Variants in TRAPPC9 observed in about 807,000 individuals in gnomAD.
TRAPPC9 encodes the protein trafficking protein particle complex subunit 9.
A neutral mutation model predicts 124.0 loss-of-function variants in TRAPPC9; 83 were observed. That is an observed-to-expected ratio of 0.67 (90% CI 0.56 to 0.80). The LOEUF is 0.80. Ranked by LOEUF, TRAPPC9 falls within the 30% of genes least tolerant of loss-of-function variation. TRAPPC9 has a pLI of 0.00. For missense variants in TRAPPC9, 1,302 were observed against 1,508.3 expected (o/e 0.86, Z 2.27); for synonymous variants, 638 against 617.5 (o/e 1.03, Z -0.49).
At chr8:140,439,280 T>C in intron 2 of TRAPPC9, 83 bp from the exon 3 acceptor site, 1 of 1,488,868 alleles carries the variant, frequency 6.7e-7, no homozygotes, top group Non-Finnish European at 9.3e-7. Context: ...TTCAATTCTC[T>C]CACTACTAAA....
intron 16 of TRAPPC9, among the ~76,000 whole-genome samples, chr8:140,226,601 A>AAG (rs1203807262): frequency 6.6e-6 from 1 of 151,562 alleles, no homozygotes; most frequent in East Asian, 1.9e-4. Flanking sequence ...CAAAAAAAAA[A>AAG]AAAAAGAAAG....
intron 11 of TRAPPC9, chr8:140,291,313 G>C (rs1036115506): frequency 1.7e-6 from 1 of 585,230 alleles, no homozygotes; most frequent in Non-Finnish European, 3.1e-6. Context: ...CACTGCCTTC[G>C]GCGGGCTGCA....
At chr8:139,833,599 G>A (rs1826128959) in intron 21 of TRAPPC9, among the ~76,000 whole-genome samples, 1 of 152,264 alleles carries the variant, frequency 6.6e-6, no homozygotes, top group South Asian at 2.1e-4. Flanking sequence ...CTAAACGCAG[G>A]CCTTGACGGG....
chr8:140,336,340 C>T (rs996024195), intron 9 of TRAPPC9, among the ~76,000 whole-genome samples: 17 of 152,202 alleles, frequency 1.1e-4, no homozygotes, highest in Non-Finnish European at 2.5e-4. Context: ...CCGAGATTCC[C>T]AACCCTGGCT....
intron 17 of TRAPPC9, among the ~76,000 whole-genome samples, chr8:140,032,289 G>A (rs1471049651): frequency 6.6e-6 from 1 of 152,180 alleles, no homozygotes; most frequent in Admixed American, 6.5e-5. Context: ...ACCACGTCCA[G>A]ACCACTGTCC....
intron 5 of TRAPPC9, among the ~76,000 whole-genome samples, chr8:140,407,598 C>T (rs1487625203): frequency 6.6e-6 from 1 of 152,084 alleles, no homozygotes; most frequent in Non-Finnish European, 1.5e-5. Context: ...CTAATTTGAT[C>T]AACTTAATTT....
chr8:139,849,450 T>C (rs1827307042), intron 21 of TRAPPC9, among the ~76,000 whole-genome samples: 1 of 152,242 alleles, frequency 6.6e-6, no homozygotes, highest in Non-Finnish European at 1.5e-5. Context: ...CTGCTCCCTC[T>C]CCTCTCCTTC....
chr8:139,863,089 T>C (rs906620340), intron 21 of TRAPPC9, among the ~76,000 whole-genome samples: 5 of 152,226 alleles, frequency 3.3e-5, no homozygotes, highest in African/African-American at 1.2e-4. Flanking sequence ...CAAAAGCTCA[T>C]TTGGCGTGTC....
chr8:139,941,484 G>A (rs1475342917), intron 19 of TRAPPC9, among the ~76,000 whole-genome samples: 5 of 152,194 alleles, frequency 3.3e-5, no homozygotes, highest in Admixed American at 2.6e-4. Context: ...GGACACAGAG[G>A]GCCCAGTATG....
chr8:140,436,100 C>G (rs2070803258), intron 3 of TRAPPC9, among the ~76,000 whole-genome samples: 1 of 152,234 alleles, frequency 6.6e-6, no homozygotes, highest in Non-Finnish European at 1.5e-5. Context: ...AATCCCAGCA[C>G]TTTGGGAAGC....
intron 19 of TRAPPC9, among the ~76,000 whole-genome samples, chr8:139,919,406 T>C (rs1832364962): frequency 6.6e-6 from 1 of 152,206 alleles, no homozygotes; most frequent in South Asian, 2.1e-4. Flanking sequence ...TCAAAAGTTT[T>C]AAAGTGGACG....
intron 17 of TRAPPC9, among the ~76,000 whole-genome samples, chr8:140,106,589 G>T (rs1053204376): frequency 9.9e-5 from 15 of 152,162 alleles, no homozygotes; most frequent in African/African-American, 3.6e-4. Context: ...TCTTGGTCGT[G>T]GGGGAGCGAG....
intron 17 of TRAPPC9, among the ~76,000 whole-genome samples, chr8:140,144,247 T>C (rs891606833): frequency 4.0e-4 from 61 of 152,300 alleles, no homozygotes; most frequent in South Asian, 1.0e-3. Flanking sequence ...TTGCCAGGAG[T>C]TATGTGCAAT....
chr8:140,208,384 T>C (rs2062977691), intron 17 of TRAPPC9, among the ~76,000 whole-genome samples: 1 of 152,118 alleles, frequency 6.6e-6, no homozygotes, highest in Admixed American at 6.5e-5. Context: ...AAGGTGGTGG[T>C]CCTCAAACTG....
chr8:140,036,801 G>A (rs1041210508), intron 17 of TRAPPC9, among the ~76,000 whole-genome samples: 4 of 152,120 alleles, frequency 2.6e-5, no homozygotes, highest in Non-Finnish European at 4.4e-5. Flanking sequence ...AAGATGCCGC[G>A]TGTGTGTTTA....
intron 21 of TRAPPC9, among the ~76,000 whole-genome samples, chr8:139,878,668 T>C (rs1829485769): frequency 6.6e-6 from 1 of 152,190 alleles, no homozygotes; most frequent in African/African-American, 2.4e-5. Flanking sequence ...GCAAAACAGT[T>C]GCTTTGAAAT....
intron 17 of TRAPPC9, among the ~76,000 whole-genome samples, chr8:140,131,275 G>A (rs2061204305): frequency 6.6e-6 from 1 of 152,094 alleles, no homozygotes; most frequent in Admixed American, 6.5e-5. Context: ...CTTCTTCAAG[G>A]TTCTTGATAC....
At chr8:140,112,052 T>C (rs2060785853) in intron 17 of TRAPPC9, among the ~76,000 whole-genome samples, 1 of 152,270 alleles carries the variant, frequency 6.6e-6, no homozygotes, top group African/African-American at 2.4e-5. Context: ...TTCTCCTTCA[T>C]CAACTTGGCC....
chr8:139,986,019 C>A lies in TRAPPC9; in HGVS notation c.2810+2707G>T, dbSNP rs190984291. Among the ~76,000 whole-genome samples the A allele has an allele frequency of 2.0e-5, 3 of 152,226 alleles. No individual in the cohort carries two copies. In the South Asian group the frequency reaches 6.2e-4, roughly 32 times the overall value. On this transcript the variant is annotated intron_variant, in intron 19 of 22. Coordinates refer to ENST00000438773, the MANE Select transcript of TRAPPC9 (RefSeq NM_001160372.4). ...CAGCACTTTGGGAGGCCGAGGCGGG[C>A]GGATCACAAGGTCAGGAGTCCAAGA...
Sources: gnomAD v4.1 joint callset for allele counts (sites outside exome capture counted in the v4.1 genomes callset) on GRCh38, gnomAD v4.1.1 for gene constraint, MANE v1.5 for transcripts, NCBI Gene and HGNC (gene_info 2026-07-23, HGNC 2026-07-21) for gene names.